Variants in GLP2R observed in about 807,000 individuals in gnomAD.
GLP2R encodes the protein glucagon like peptide 2 receptor.
GLP2R carries 59 observed loss-of-function variants against 68.2 expected under a neutral mutation model. That is an observed-to-expected ratio of 0.87 (90% CI 0.70 to 1.07). The LOEUF (loss-of-function observed/expected upper bound fraction) is 1.07, where lower values mean the gene tolerates loss of function less well. GLP2R is among the 50% of genes least tolerant of loss of function. The probability of loss-of-function intolerance (pLI) is 0.00; values close to 1 mark genes in which losing one functional copy is unlikely to be tolerated. For missense variants in GLP2R, 548 were observed against 677.4 expected (o/e 0.81, Z 2.12); for synonymous variants, 270 against 265.4 (o/e 1.02, Z -0.17).
intron 4 of GLP2R, 31 bp downstream of exon 4, chr17:9,842,647 C>A (rs906397613): frequency 6.2e-7 from 1 of 1,611,414 alleles, no homozygotes; most frequent in Non-Finnish European, 8.5e-7. Flanking sequence ...GAGGAGGCAT[C>A]CAGGGTCCAA....
At chr17:9,863,754 T>G (rs540932431) in intron 9 of GLP2R, among the ~76,000 whole-genome samples, 2 of 152,338 alleles carry the variant, frequency 1.3e-5, no homozygotes, top group South Asian at 4.1e-4. Flanking sequence ...CCTTTGTTCC[T>G]TCCCAGATCC....
intron 3 of GLP2R, among the ~76,000 whole-genome samples, chr17:9,838,799 A>T (rs943646989): frequency 1.3e-5 from 2 of 152,260 alleles, no homozygotes; most frequent in Non-Finnish European, 2.9e-5. Context: ...AGAGGAGAAC[A>T]TGTGCAAATG....
chr17:9,839,077 G>A (rs867810231), intron 3 of GLP2R, among the ~76,000 whole-genome samples: 102 of 152,362 alleles, frequency 6.7e-4, no homozygotes, highest in African/African-American at 2.1e-3. Context: ...GCTTTCTTCT[G>A]TAGAGGAAGA....
chr17:9,849,444 T>G (rs1006096989), intron 4 of GLP2R, among the ~76,000 whole-genome samples: 5 of 152,108 alleles, frequency 3.3e-5, no homozygotes, highest in Non-Finnish European at 7.3e-5. Flanking sequence ...CATCCATATT[T>G]AATATTTTTT....
chr17:9,844,668 CTTTTTTTTTTTTTTTTT>C (rs71139004), intron 4 of GLP2R, among the ~76,000 whole-genome samples: 20 of 44,316 alleles, frequency 4.5e-4, no homozygotes, highest in South Asian at 1.9e-3. Flanking sequence ...CTACCTAATT[CTTTTTTTTTTTTTTTTT>C]TTTTTTTTTT....
At chr17:9,845,234 A>G (rs2066826771) in intron 4 of GLP2R, among the ~76,000 whole-genome samples, 2 of 152,130 alleles carry the variant, frequency 1.3e-5, no homozygotes, top group Admixed American at 1.3e-4. Context: ...TTTTTTGTAG[A>G]GACAGGGTTT....
At chr17:9,863,452 A>C (rs926374592) in intron 9 of GLP2R, among the ~76,000 whole-genome samples, 3 of 152,206 alleles carry the variant, frequency 2.0e-5, no homozygotes, top group Non-Finnish European at 4.4e-5. Context: ...TGGAAACTGG[A>C]TCTCAGCCCA....
chr17:9,878,798 C>T (rs552257379), intron 10 of GLP2R, among the ~76,000 whole-genome samples: 10 of 152,176 alleles, frequency 6.6e-5, no homozygotes, highest in Non-Finnish European at 1.0e-4. Flanking sequence ...CTCTTGTTCT[C>T]GTACAGAGTT....
chr17:9,848,622 A>T (rs1239489571), intron 4 of GLP2R, among the ~76,000 whole-genome samples: 1 of 152,186 alleles, frequency 6.6e-6, no homozygotes, highest in African/African-American at 2.4e-5. Flanking sequence ...AAGTGAGGAC[A>T]AGAGCATTGC....
chr17:9,877,770 G>A (rs921563395), intron 10 of GLP2R, among the ~76,000 whole-genome samples: 2 of 151,430 alleles, frequency 1.3e-5, no homozygotes, highest in Non-Finnish European at 2.9e-5. Flanking sequence ...CCAGGTACTC[G>A]GGAAGCTGAG....
At chr17:9,857,017 G>A (rs565463239) in intron 5 of GLP2R, among the ~76,000 whole-genome samples, 1 of 152,184 alleles carries the variant, frequency 6.6e-6, no homozygotes, top group South Asian at 2.1e-4. Flanking sequence ...CGACTCCCTG[G>A]TTCAAGCAAT....
intron 6 of GLP2R, among the ~76,000 whole-genome samples, chr17:9,859,320 T>C (rs1198420363): frequency 2.0e-5 from 3 of 152,220 alleles, no homozygotes; most frequent in African/African-American, 7.2e-5. Flanking sequence ...CTCTTCAGTG[T>C]TTCCATTAGG....
At chr17:9,868,105 T>G (rs1274804611) in intron 9 of GLP2R, among the ~76,000 whole-genome samples, 2 of 152,218 alleles carry the variant, frequency 1.3e-5, no homozygotes, top group Non-Finnish European at 2.9e-5. Context: ...CTTACTGAAG[T>G]CTTCATTGTT....
At chr17:9,870,925 T>C in intron 10 of GLP2R, 90 bp downstream of exon 10, 1 of 733,838 alleles carries the variant, frequency 1.4e-6, no homozygotes, top group Non-Finnish European at 2.5e-6. Context: ...GACATTTATC[T>C]CCTAAGGCCA....
intron 11 of GLP2R, among the ~76,000 whole-genome samples, chr17:9,885,148 TTTATTATTATTATTATTA>T (rs3073992): frequency 7.0e-6 from 1 of 143,370 alleles, no homozygotes; most frequent in African/African-American, 2.5e-5. Context: ...TAGTAACCAT[TTTATTATTATTATTATTA>T]TTATTATTAT....
intron 4 of GLP2R, among the ~76,000 whole-genome samples, chr17:9,846,601 A>C (rs142180310): frequency 6.6e-6 from 1 of 152,236 alleles, no homozygotes. Flanking sequence ...CTTTGGTGAC[A>C]GAGTGAGACT....
rs758221133 is a variant in GLP2R, at chr17:9,861,213, C to T, written c.986+14C>T. The T allele has an allele frequency of 6.3e-6, 10 of 1,579,422 alleles. No individual in the cohort carries two copies. Among genetic ancestry groups the T allele is most frequent in the South Asian group, 5.6e-5 (5 of 89,714 alleles). On this transcript the variant is annotated intron_variant, in intron 8 of 12. Coordinates refer to ENST00000262441, the MANE Select transcript of GLP2R (RefSeq NM_004246.3). ...GGAGAACACAGGGTAGGTAATTCAC[C>T]AGGTGTTATTCTTTCACGAGCCGGT...
intron 1 of GLP2R, among the ~76,000 whole-genome samples, chr17:9,827,782 G>A (rs1218631431): frequency 6.6e-6 from 1 of 152,056 alleles, no homozygotes; most frequent in Non-Finnish European, 1.5e-5. Context: ...CCAACGTGGT[G>A]AAACCCCGTC....
chr17:9,877,655 C>T (rs375479614), intron 10 of GLP2R, among the ~76,000 whole-genome samples: 5 of 151,952 alleles, frequency 3.3e-5, no homozygotes, highest in South Asian at 2.1e-4. Flanking sequence ...TTTGGGAGGC[C>T]GAGGCGGGCG....
Sources: allele counts gnomAD v4.1 joint callset (sites outside exome capture counted in the v4.1 genomes callset), GRCh38; gene constraint gnomAD v4.1.1; transcripts MANE v1.5; gene names NCBI Gene and HGNC (gene_info 2026-07-23, HGNC 2026-07-21).